The following NEB variants were observed in gnomAD, a reference collection of about 807,000 sequenced individuals.
NEB encodes nebulin, also known as nemaline myopathy type 2.
NEB carries 512 observed loss-of-function variants against 952.2 expected under a neutral mutation model. The observed-to-expected ratio is 0.54, with a 90% CI of 0.50 to 0.58. NEB has a LOEUF of 0.58. NEB is among the 20% of genes least tolerant of loss of function. The pLI is 0.00. For synonymous variants in NEB, 2,900 were observed against 3,149.8 expected, an observed-to-expected ratio of 0.92 and a Z score of 2.66; for missense variants, 8,428 against 9,231.1, an observed-to-expected ratio of 0.91 and a Z score of 3.56.
intron 17 of NEB, among the ~76,000 whole-genome samples, chr2:151,696,088 A>G (rs1468608532): frequency 2.0e-5 from 3 of 152,162 alleles, no homozygotes; most frequent in African/African-American, 7.2e-5. Flanking sequence ...ATTTCTGGCC[A>G]TTCATCTATT....
chr2:151,546,123 T>C, intron 134 of NEB, 125 bp from the exon 135 acceptor site: 1 of 756,278 alleles, frequency 1.3e-6, no homozygotes, highest in African/African-American at 1.8e-5. Flanking sequence ...CTGGATGTCT[T>C]CCCAGGCAGG....
chr2:151,636,145 G>A (rs941157415), intron 64 of NEB, 82 bp downstream of exon 64: 2 of 1,206,744 alleles, frequency 1.7e-6, no homozygotes, highest in Non-Finnish European at 2.3e-6. Flanking sequence ...AAAGGTCCAG[G>A]AAAAGTTCTT....
intron 71 of NEB, among the ~76,000 whole-genome samples, chr2:151,623,269 T>C (rs1040329161): frequency 6.6e-6 from 1 of 152,152 alleles, no homozygotes; most frequent in African/African-American, 2.4e-5. Context: ...TACCAGTAGA[T>C]AGTTCTGGAA....
chr2:151,492,317 T>G lies in NEB; in HGVS notation c.24874-36A>C. On this transcript the variant is annotated intron_variant, in intron 177 of 181. Coordinates refer to ENST00000397345, the MANE Select transcript of NEB (RefSeq NM_001164508.2). ...ATGAATTTGCTTTATGAAAATATGATGGTGTGACTATATCCCTTTTTACAC... is the reference window on the plus strand; with the variant it reads ...ATGAATTTGCTTTATGAAAATATGAGGGTGTGACTATATCCCTTTTTACAC... The G allele has an allele frequency of 1.2e-6, 2 of 1,600,852 alleles. 1 individual carries two copies. Among genetic ancestry groups the G allele is most frequent in the South Asian group, 2.2e-5 (2 of 89,452 alleles).
chr2:151,493,191 G>T, intron 176 of NEB, 162 bp downstream of exon 176: 1 of 584,930 alleles, frequency 1.7e-6, no homozygotes, highest in Non-Finnish European at 3.0e-6. Flanking sequence ...TTGAATAAGT[G>T]CAAATTTTTA....
chr2:151,573,367 G>A (rs193026977), intron 107 of NEB, among the ~76,000 whole-genome samples: 1 of 152,252 alleles, frequency 6.6e-6, no homozygotes, highest in East Asian at 1.9e-4. Flanking sequence ...GCAAAAGAGA[G>A]CATATGTGAC....
chr2:151,553,784 T>TG lies in NEB; in HGVS notation c.19626+43dup, dbSNP rs1453415805. 4 of 1,541,456 alleles carry TG rather than the reference T, an allele frequency of 2.6e-6. No individual in the cohort carries two copies. The African/African-American group carries it at 4.1e-5, about 16-fold the overall frequency. ...GTTTGCTGCCTTCTGGGTGGGGCCG[T>TG]GGGGCGGGGCCGTGGAGGGGTACTT... is the stretch of plus-strand genomic sequence containing the variant. On this transcript the variant is annotated intron_variant, in intron 126 of 181. Transcript: ENST00000397345.
intron 158 of NEB, 134 bp from the exon 159 acceptor site, chr2:151,514,562 A>C: frequency 1.3e-6 from 1 of 746,008 alleles, no homozygotes; most frequent in Non-Finnish European, 2.3e-6. Context: ...GAATACAGGC[A>C]GGGTATAAGC....
rs2096451074 is a variant in NEB, at chr2:151,567,369, A to C, written c.17955T>G (p.Asn5985Lys). ...GATAGTCCTCTTTGTATAGTCTCTC[A>C]TTCTGAATCTGGCCTGCATGCTCAA... ...VWFEHAGQIQ[N>K]ERLYKEDYHK... is the part of the protein sequence containing the mutation. The change falls in exon 114 of 182, where the codon AAT becomes AAG. Residue 5985 changes from asparagine (N) to lysine (K), a missense_variant. By Grantham distance (94) the Asn-to-Lys change is moderately conservative (BLOSUM62 0). Transcript: ENST00000397345. The C allele has an allele frequency of 6.2e-7, 1 of 1,613,762 alleles. No individual in the cohort carries two copies. Among genetic ancestry groups the C allele is most frequent in the East Asian group, 2.2e-5 (1 of 44,854 alleles).
chr2:151,501,289 T>A lies in NEB; in HGVS notation c.24021+102A>T, dbSNP rs573362774. On this transcript the variant is annotated intron_variant, in intron 168 of 181. Coordinates refer to ENST00000397345, the MANE Select transcript of NEB (RefSeq NM_001164508.2). ...TTCAGTTGATGTGATTAAAAAAAGA[T>A]TTTGTTAAATTGATTATTATAAAGG... The A allele has an allele frequency of 1.3e-4, 103 of 780,326 alleles. No individual in the cohort carries two copies. In the African/African-American group the frequency reaches 1.7e-3, roughly 13 times the overall value. 48.3% of individuals were successfully genotyped at this position (780,326 alleles called of 1,614,324 possible). A position where few individuals can be genotyped will look rare whatever the true frequency, so the allele number is the denominator to read the frequency against.
intron 9 of NEB, among the ~76,000 whole-genome samples, chr2:151,718,917 C>T (rs2099766675): frequency 6.6e-6 from 1 of 152,148 alleles, no homozygotes; most frequent in Non-Finnish European, 1.5e-5. Flanking sequence ...TTCATAGATC[C>T]CCAGATACAT....
At chr2:151,577,326 C>A (rs539448604) in intron 105 of NEB, among the ~76,000 whole-genome samples, 6 of 152,270 alleles carry the variant, frequency 3.9e-5, no homozygotes, top group African/African-American at 1.4e-4. Flanking sequence ...GATCACACAG[C>A]CTGTCTTTCA....
Position 151,642,470 on chromosome 2 carries a change from C to T in NEB, c.8373+104G>A, listed in dbSNP as rs1027461600. 1.3e-5 allele frequency: 12 copies of T among 928,816 alleles called. No homozygotes were observed. The Middle Eastern group carries it at 1.0e-3, about 78-fold the overall frequency. The allele number at this position is 928,816 out of a possible 1,614,324, so 57.5% of individuals were successfully genotyped here. On this transcript the variant is annotated intron_variant, in intron 60 of 181. Transcript: ENST00000397345. ...ATTCATCGAAACAATAAACTGTTAGCAACAGCTTTAACCTCATGGCTTACT... is the reference window on the plus strand; with the variant it reads ...ATTCATCGAAACAATAAACTGTTAGTAACAGCTTTAACCTCATGGCTTACT...
At chr2:151,497,905 G>A in intron 170 of NEB, 187 bp from the exon 171 acceptor site, 2 of 1,476,814 alleles carry the variant, frequency 1.4e-6, no homozygotes, top group Non-Finnish European at 1.8e-6. Context: ...GAGAAGCAGG[G>A]ACTTCAGCTG....
rs778962225 is a variant in NEB, at chr2:151,561,073, G to A, written c.19137C>T (p.Asp6379=). 1.9e-5 allele frequency: 31 copies of A among 1,601,404 alleles called. No individual in the cohort carries two copies. The South Asian group carries it at 2.8e-4, about 15-fold the overall frequency. ...CTGTTTCTAGAACTGTTGTGTATTT[G>A]TCCTTAATCTGATGATAATTTTCTT... ...KYKENYHQIK[D]KYTTVLETVD... is the part of the protein sequence containing the mutation. The change falls in exon 123 of 182, where the codon GAC becomes GAT. Residue 6379 remains aspartate, a synonymous_variant. Coordinates refer to ENST00000397345, the MANE Select transcript of NEB (RefSeq NM_001164508.2).
At chr2:151,539,864 G>A (rs1253940964) in intron 138 of NEB, among the ~76,000 whole-genome samples, 2 of 152,172 alleles carry the variant, frequency 1.3e-5, no homozygotes, top group African/African-American at 4.8e-5. Context: ...TAGGAGCCCA[G>A]CAGCATGCTA....
rs2099606707 is a variant in NEB at position 151,697,785 on chromosome 2, G to A, written c.1153-137C>T. ...AACTGTCTTAAAAACTGACAATTGA[G>A]GCCAGGTGCGGCGGCTCACGCCTGT... On this transcript the variant is annotated intron_variant, in intron 13 of 181. Transcript: ENST00000397345. 9 of 635,016 alleles carry A rather than the reference G, an allele frequency of 1.4e-5. No homozygotes were observed. In the Admixed American group the frequency reaches 2.0e-4, roughly 14 times the overall value. 39.3% of individuals were successfully genotyped at this position (635,016 alleles called of 1,614,324 possible).
intron 109 of NEB, 136 bp downstream of exon 109, chr2:151,569,945 C>G: frequency 1.1e-6 from 1 of 877,348 alleles, no homozygotes. Flanking sequence ...TGATACCATA[C>G]TATAAGGTCT....
intron 26 of NEB, 42 bp downstream of exon 26, chr2:151,687,584 G>A (rs1229574608): frequency 1.9e-6 from 3 of 1,613,260 alleles, no homozygotes; most frequent in Non-Finnish European, 2.5e-6. Context: ...ATGTCCCCAA[G>A]GCCACCCTGT....
Sources: gnomAD v4.1 joint callset for allele counts (sites outside exome capture counted in the v4.1 genomes callset) on GRCh38, gnomAD v4.1.1 for gene constraint, MANE v1.5 for transcripts, NCBI Gene and HGNC (gene_info 2026-07-23, HGNC 2026-07-21) for gene names.